Variants in SLIT3 observed in about 807,000 individuals in gnomAD.
The protein encoded by SLIT3 is slit homolog 3 protein.
A neutral mutation model predicts 184.0 loss-of-function variants in SLIT3; 68 were observed. The ratio of observed to expected loss-of-function variants is 0.37; its 90% confidence interval spans 0.30 to 0.45. The LOEUF is 0.45. SLIT3 is among the 20% of genes least tolerant of loss of function. The pLI is 1.00. For synonymous variants in SLIT3, 831 were observed against 828.6 expected (o/e 1.00, Z -0.05); for missense variants, 1,707 against 2,026.0 (o/e 0.84, Z 3.02).
chr5:169,298,320 G>C (rs1767577436), intron 1 of SLIT3, among the ~76,000 whole-genome samples: 2 of 152,064 alleles, frequency 1.3e-5, no homozygotes, highest in South Asian at 4.2e-4. Context: ...CAGGACTCCA[G>C]TCTCTGTCCT....
intron 24 of SLIT3, among the ~76,000 whole-genome samples, chr5:168,712,014 G>C (rs773933963): frequency 6.6e-6 from 1 of 152,148 alleles, no homozygotes; most frequent in Non-Finnish European, 1.5e-5. Context: ...GAAATAAATA[G>C]AAAACTTATC....
In SLIT3 at chr5:169,115,553, G is replaced by C. The variant is rs144729767; in HGVS notation, c.413+77926C>G. Among the ~76,000 whole-genome samples the C allele has an allele frequency of 5.0e-4, 76 of 152,242 alleles. 1 individual carries two copies. In the South Asian group the frequency reaches 0.015, roughly 30 times the overall value. On this transcript the variant is annotated intron_variant, in intron 4 of 35. Transcript: ENST00000519560. ...CATGTATGGAAGCCAGGCCAGGGAG[G>C]GATTCCACAGGCAGACCAAGGCAAT...
intron 1 of SLIT3, among the ~76,000 whole-genome samples, chr5:169,254,597 C>T (rs1426156023): frequency 2.0e-5 from 3 of 152,152 alleles, no homozygotes; most frequent in Non-Finnish European, 4.4e-5. Context: ...AGAAATGATG[C>T]TGCAGAGCTT....
chr5:168,838,938 G>A (rs184885416), intron 6 of SLIT3, among the ~76,000 whole-genome samples: 1 of 152,198 alleles, frequency 6.6e-6, no homozygotes, highest in African/African-American at 2.4e-5. Context: ...GTTGATCCAG[G>A]GGCCTGGGGA....
In SLIT3 at chr5:169,190,661, A is replaced by G. The variant is rs139640708; in HGVS notation, c.413+2818T>C. On this transcript the variant is annotated intron_variant, in intron 4 of 35. Transcript: ENST00000519560. ...TTTTGCCTATAAGACTAATAAAAAA[A>G]GTAGTATCAAGAATTGTTTATCCCA... Among the ~76,000 whole-genome samples the G allele has an allele frequency of 2.1e-3, 324 of 152,368 alleles. 4 individuals carry two copies. The highest frequency in any genetic ancestry group is 7.5e-3 in the African/African-American group (312 of 41,594).
At chr5:169,179,399 T>C (rs995640712) in intron 4 of SLIT3, among the ~76,000 whole-genome samples, 19 of 152,018 alleles carry the variant, frequency 1.2e-4, no homozygotes, top group African/African-American at 4.6e-4. Context: ...TCAATGTCTA[T>C]TAGAAGTTAA....
intron 4 of SLIT3, among the ~76,000 whole-genome samples, chr5:168,888,787 ATTAT>A: frequency 6.6e-6 from 1 of 152,322 alleles, no homozygotes; most frequent in Non-Finnish European, 1.5e-5. Flanking sequence ...GTTTGGAACC[ATTAT>A]TGGATTTGGG....
chr5:168,855,158 T>C (rs1758818975), intron 5 of SLIT3, among the ~76,000 whole-genome samples: 1 of 152,086 alleles, frequency 6.6e-6, no homozygotes, highest in East Asian at 1.9e-4. Context: ...AGCCCTAGGA[T>C]CACATGAGAT....
At chr5:168,691,890 G>C (rs1761919845) in intron 29 of SLIT3, among the ~76,000 whole-genome samples, 1 of 152,236 alleles carries the variant, frequency 6.6e-6, no homozygotes. Context: ...AGTGGCAAAA[G>C]CTTTCATGAA....
intron 14 of SLIT3, among the ~76,000 whole-genome samples, chr5:168,769,032 C>T (rs1461501197): frequency 1.3e-5 from 2 of 152,306 alleles, no homozygotes; most frequent in South Asian, 4.2e-4. Context: ...GCCAGTGCGC[C>T]TCCTGATGAA....
chr5:168,710,609 A>G (rs1026084730), intron 25 of SLIT3, among the ~76,000 whole-genome samples: 4 of 101,396 alleles, frequency 3.9e-5, no homozygotes, highest in Non-Finnish European at 1.0e-4. Context: ...ACAAAAGATG[A>G]AAAAAAAAAA....
chr5:169,180,294 G>C (rs1763114282), intron 4 of SLIT3, among the ~76,000 whole-genome samples: 1 of 152,204 alleles, frequency 6.6e-6, no homozygotes, highest in African/African-American at 2.4e-5. Flanking sequence ...GTGGATGTGG[G>C]GAGAGTGGCA....
chr5:168,673,265 G>T lies in SLIT3; in HGVS notation c.3753C>A (p.Asn1251Lys). The T allele has an allele frequency of 1.2e-6, 2 of 1,613,978 alleles. No homozygotes were observed. Among genetic ancestry groups the T allele is most frequent in the Non-Finnish European group, 1.7e-6 (2 of 1,179,992 alleles). The change falls in exon 33 of 36, where the codon AAC becomes AAA. Residue 1251 changes from asparagine to lysine, a missense_variant. By Grantham distance (94) the Asn-to-Lys change is moderately conservative. This residue lies in a region of SLIT3 where 387 missense variants were observed against 477.9 expected (regional missense o/e 0.81). Coordinates refer to ENST00000519560, the MANE Select transcript of SLIT3 (RefSeq NM_003062.4). ...TTGGAGTTCCTTTGTCCACTACTAGGTTCAGGGTCTGGTTTAGCGTCACCA... is the reference window on the plus strand; with the variant it reads ...TTGGAGTTCCTTTGTCCACTACTAGTTTCAGGGTCTGGTTTAGCGTCACCA... ...VELVTLNQTLNLVVDKGTPKS... is the reference protein window; with the variant it reads ...VELVTLNQTLKLVVDKGTPKS...
chr5:168,672,889 C>T (rs1215522318), intron 33 of SLIT3, among the ~76,000 whole-genome samples: 2 of 152,222 alleles, frequency 1.3e-5, no homozygotes, highest in East Asian at 3.9e-4. Context: ...AGCTGGCAGA[C>T]TTCAGCAGAG....
chr5:168,759,830 C>T (rs1307772867), intron 16 of SLIT3, among the ~76,000 whole-genome samples: 1 of 152,170 alleles, frequency 6.6e-6, no homozygotes, highest in African/African-American at 2.4e-5. Context: ...CTTTACTTCC[C>T]TGGTCTTCGA....
intron 20 of SLIT3, among the ~76,000 whole-genome samples, chr5:168,743,601 A>C (rs1013151562): frequency 6.6e-6 from 1 of 152,190 alleles, no homozygotes; most frequent in Non-Finnish European, 1.5e-5. Flanking sequence ...CCAACTAATA[A>C]CCCTACAACG....
chr5:169,284,416 C>A (rs1286416406), intron 1 of SLIT3, among the ~76,000 whole-genome samples: 2 of 152,176 alleles, frequency 1.3e-5, no homozygotes, highest in African/African-American at 4.8e-5. Context: ...AAAAATGAAG[C>A]CATTGTGAGT....
intron 4 of SLIT3, among the ~76,000 whole-genome samples, chr5:169,048,094 C>T (rs916125225): frequency 6.6e-6 from 1 of 152,236 alleles, no homozygotes; most frequent in Non-Finnish European, 1.5e-5. Flanking sequence ...CAATTTCTTT[C>T]TTCTGATGCC....
rs184015319 is a variant in SLIT3, at chr5:168,673,363, A to G, written c.3687-32T>C. ...AGTAGAGAAGGGGAGAAAGCCGGAG[A>G]GTTCACTAAGGGCCTTCCATGGCTG... On this transcript the variant is annotated intron_variant, in intron 32 of 35. Transcript: ENST00000519560. 654 of 1,610,372 alleles carry G rather than the reference A, an allele frequency of 4.1e-4. 6 individuals are homozygous for G. In the African/African-American group the frequency reaches 7.1e-3, roughly 17 times the overall value.
Sources: gnomAD v4.1 joint callset for allele counts (sites outside exome capture counted in the v4.1 genomes callset) on GRCh38, gnomAD v4.1.1 for gene constraint, gnomAD v4.1.1 regional missense constraint, MANE v1.5 for transcripts, NCBI Gene and HGNC (gene_info 2026-07-23, HGNC 2026-07-21) for gene names.